The following NTM variants were observed in gnomAD, a reference collection of about 807,000 sequenced individuals.
NTM encodes neurotrimin, also known as IgLON family member 2.
Under a neutral mutation model 42.1 loss-of-function variants are expected in NTM, and 13 were observed. That is an observed-to-expected ratio of 0.31 (90% confidence interval 0.20 to 0.49). The LOEUF is 0.49. Ranked by LOEUF, NTM falls within the 20% of genes least tolerant of loss-of-function variation. NTM has a pLI of 0.99. For missense variants in NTM, 373 were observed against 452.8 expected (o/e 0.82, Z 1.60); for synonymous variants, 187 against 179.2 (o/e 1.04, Z -0.35).
intron 1 of NTM, among the ~76,000 whole-genome samples, chr11:131,394,803 T>C (rs1591548192): frequency 6.6e-6 from 1 of 152,150 alleles, no homozygotes; most frequent in Non-Finnish European, 1.5e-5. Flanking sequence ...TACTTAATCA[T>C]GGATAAGTTG....
chr11:132,069,263 A>G, intron 2 of NTM, among the ~76,000 whole-genome samples: 1 of 149,884 alleles, frequency 6.7e-6, no homozygotes, highest in African/African-American at 2.5e-5. Context: ...ACTGACCATC[A>G]CAGATTAGTT....
chr11:131,776,518 T>C (rs1435328849), intron 1 of NTM, among the ~76,000 whole-genome samples: 1 of 152,142 alleles, frequency 6.6e-6, no homozygotes, highest in East Asian at 1.9e-4. Context: ...AATTTCCAGC[T>C]TGCTAGGCCT....
chr11:131,698,196 C>A (rs947449045), intron 1 of NTM, among the ~76,000 whole-genome samples: 6 of 152,138 alleles, frequency 3.9e-5, no homozygotes, highest in African/African-American at 1.4e-4. Context: ...CACAACCTTC[C>A]AGAGTGAAAG....
chr11:131,702,219 C>A (rs1467773369), intron 1 of NTM, among the ~76,000 whole-genome samples: 2 of 152,188 alleles, frequency 1.3e-5, no homozygotes, highest in East Asian at 3.9e-4. Flanking sequence ...AACTCCTGAT[C>A]TATCAGGGTC....
intron 1 of NTM, among the ~76,000 whole-genome samples, chr11:131,703,626 C>T (rs544918425): frequency 1.2e-4 from 18 of 152,326 alleles, no homozygotes; most frequent in African/African-American, 4.1e-4. Context: ...CACAAAAACA[C>T]TTTCACAGGA....
intron 4 of NTM, among the ~76,000 whole-genome samples, chr11:132,245,185 A>C (rs1176667354): frequency 2.6e-5 from 4 of 152,208 alleles, no homozygotes; most frequent in Non-Finnish European, 5.9e-5. Flanking sequence ...GAACTTTAAC[A>C]GGGAAGCTGC....
intron 1 of NTM, among the ~76,000 whole-genome samples, chr11:131,807,513 A>T (rs1434927436): frequency 1.3e-5 from 2 of 152,242 alleles, no homozygotes; most frequent in Non-Finnish European, 2.9e-5. Flanking sequence ...TTGTGTCTTT[A>T]CGCAAGTTAA....
chr11:131,623,282 G>T (rs2062762177), intron 1 of NTM, among the ~76,000 whole-genome samples: 3 of 152,138 alleles, frequency 2.0e-5, no homozygotes, highest in South Asian at 2.1e-4. Flanking sequence ...TGGCAGCATG[G>T]ATGGACATCC....
intron 1 of NTM, among the ~76,000 whole-genome samples, chr11:131,508,326 C>A (rs1324875441): frequency 6.8e-6 from 1 of 147,360 alleles, no homozygotes; most frequent in Admixed American, 6.8e-5. Context: ...AAATCAAAAC[C>A]ACAATGAGAT....
At chr11:132,066,404 T>C (rs1042177101) in intron 2 of NTM, among the ~76,000 whole-genome samples, 1 of 152,234 alleles carries the variant, frequency 6.6e-6, no homozygotes, top group Non-Finnish European at 1.5e-5. Flanking sequence ...CATAAATTTT[T>C]ATGATGGAGA....
At chr11:132,332,141 C>A (rs1473220228) in intron 8 of NTM, 1 of 152,222 alleles carries the variant, frequency 6.6e-6, no homozygotes, top group Admixed American at 6.5e-5. Context: ...AATTGGTGAA[C>A]ATTTTTGGGA....
chr11:131,720,040 G>A (rs1042062204), intron 1 of NTM, among the ~76,000 whole-genome samples: 4 of 152,112 alleles, frequency 2.6e-5, no homozygotes, highest in African/African-American at 4.8e-5. Flanking sequence ...CAGGTTCCGG[G>A]GTTGCTTCCT....
At chr11:132,261,384 T>C (rs1350401519) in intron 4 of NTM, among the ~76,000 whole-genome samples, 1 of 152,192 alleles carries the variant, frequency 6.6e-6, no homozygotes, top group Non-Finnish European at 1.5e-5. Context: ...ATGCCAGTTA[T>C]GAGTGCACCT....
intron 1 of NTM, among the ~76,000 whole-genome samples, chr11:131,442,952 T>C (rs141948637): frequency 0.016 from 2,453 of 152,248 alleles, 36 homozygotes; most frequent in Non-Finnish European, 0.025. Flanking sequence ...CACGTGCAGG[T>C]ATCTTTTCTA....
intron 1 of NTM, among the ~76,000 whole-genome samples, chr11:131,853,600 TC>T (rs1200870358): frequency 6.6e-6 from 1 of 152,250 alleles, no homozygotes; most frequent in African/African-American, 2.4e-5. Context: ...TGCATAGTAT[TC>T]CATGGTATAA....
chr11:131,992,483 G>T (rs1000346080), intron 2 of NTM, among the ~76,000 whole-genome samples: 1 of 152,000 alleles, frequency 6.6e-6, no homozygotes, highest in African/African-American at 2.4e-5. Flanking sequence ...TGAGCTCTCG[G>T]TGTATGAACA....
At chr11:131,859,855 T>TC (rs553352869) in intron 1 of NTM, among the ~76,000 whole-genome samples, 41 of 149,562 alleles carry the variant, frequency 2.7e-4, no homozygotes, top group Non-Finnish European at 3.8e-4. Context: ...TAGAAGTGCC[T>TC]CCCCTTTTTT....
intron 2 of NTM, among the ~76,000 whole-genome samples, chr11:131,949,370 C>G (rs529154550): frequency 7.6e-4 from 116 of 152,328 alleles, no homozygotes; most frequent in Middle Eastern, 3.4e-3. Context: ...TTGTTCCTCA[C>G]TAAAACCTAA....
intron 1 of NTM, among the ~76,000 whole-genome samples, chr11:131,627,414 G>A (rs1002285560): frequency 2.0e-5 from 3 of 151,998 alleles, no homozygotes; most frequent in Non-Finnish European, 4.4e-5. Flanking sequence ...AAAGGCAAAC[G>A]TAATAAAGAT....
Sources: allele counts gnomAD v4.1 joint callset (sites outside exome capture counted in the v4.1 genomes callset), GRCh38; gene constraint gnomAD v4.1.1; transcripts MANE v1.5; gene names NCBI Gene and HGNC (gene_info 2026-07-23, HGNC 2026-07-21).